Variants in LRCH1 observed in about 807,000 individuals in gnomAD.
The protein encoded by LRCH1 is leucine-rich repeat and calponin homology domain-containing protein 1.
A neutral mutation model predicts 94.9 loss-of-function variants in LRCH1; 23 were observed. That is an observed-to-expected ratio of 0.24 (90% confidence interval 0.17 to 0.34). LRCH1 has a LOEUF of 0.34. Among genes scored for constraint, LRCH1 ranks in the 10% least tolerant of loss-of-function variants. LRCH1 has a pLI of 1.00. For missense variants in LRCH1, 790 were observed against 945.9 expected (o/e 0.84, Z 2.16); for synonymous variants, 364 against 354.9 (o/e 1.03, Z -0.29).
At chr13:46,706,035 A>G (rs1432398053) in intron 13 of LRCH1, among the ~76,000 whole-genome samples, 1 of 152,228 alleles carries the variant, frequency 6.6e-6, no homozygotes, top group Non-Finnish European at 1.5e-5. Context: ...CTTATGCCCC[A>G]CTGAGGTGTT....
intron 1 of LRCH1, among the ~76,000 whole-genome samples, chr13:46,561,864 T>A (rs1337350583): frequency 6.6e-6 from 1 of 152,246 alleles, no homozygotes; most frequent in Non-Finnish European, 1.5e-5. Context: ...CAGCCCTTTC[T>A]TGCAGATGTC....
chr13:46,601,756 G>A (rs1426361320), intron 1 of LRCH1, among the ~76,000 whole-genome samples: 4 of 152,138 alleles, frequency 2.6e-5, no homozygotes, highest in Admixed American at 6.5e-5. Flanking sequence ...TCATGATCAC[G>A]TAGGACCAGG....
In LRCH1 at chr13:46,553,319, C is replaced by A; in HGVS notation, c.-78C>A. ...GGAGCACTGCGGCACTCAGCCCGAGCTGCCGTTTTCCCCTCGCGGGGAACG... is the reference window on the plus strand; with the variant it reads ...GGAGCACTGCGGCACTCAGCCCGAGATGCCGTTTTCCCCTCGCGGGGAACG... On this transcript the variant is annotated 5_prime_UTR_variant, in exon 1 of 20. The change creates a new upstream start codon in the 5' untranslated region. Coordinates refer to ENST00000389797, the MANE Select transcript of LRCH1 (RefSeq NM_001164211.2). The A allele has an allele frequency of 2.4e-6, 3 of 1,246,666 alleles. No individual in the cohort carries two copies. The highest frequency in any genetic ancestry group is 3.3e-6 in the Non-Finnish European group (3 of 906,714). The allele number at this position is 1,246,666 out of a possible 1,614,324, so 77.2% of individuals were successfully genotyped here. A position where few individuals can be genotyped will look rare whatever the true frequency, so the allele number is the denominator to read the frequency against.
chr13:46,624,984 G>A (rs545378617), intron 1 of LRCH1, among the ~76,000 whole-genome samples: 1 of 152,136 alleles, frequency 6.6e-6, no homozygotes. Flanking sequence ...CATCCTCAGG[G>A]TTCTGTTTAC....
At chr13:46,722,681 T>G (rs905888252) in intron 16 of LRCH1, among the ~76,000 whole-genome samples, 1 of 152,238 alleles carries the variant, frequency 6.6e-6, no homozygotes, top group Non-Finnish European at 1.5e-5. Context: ...ACTTTTTAGA[T>G]AGTCTGCCAG....
intron 1 of LRCH1, among the ~76,000 whole-genome samples, chr13:46,573,799 G>A (rs1343466550): frequency 7.2e-6 from 1 of 138,756 alleles, no homozygotes; most frequent in Non-Finnish European, 1.5e-5. Context: ...AATGAATGAA[G>A]GAACAAGATC....
intron 3 of LRCH1, among the ~76,000 whole-genome samples, chr13:46,670,034 G>A (rs2051576884): frequency 6.6e-6 from 1 of 152,216 alleles, no homozygotes; most frequent in African/African-American, 2.4e-5. Flanking sequence ...GGAGCACCAC[G>A]GTGCTGGCCT....
chr13:46,685,572 A>G (rs974021764), intron 4 of LRCH1, among the ~76,000 whole-genome samples: 5 of 152,236 alleles, frequency 3.3e-5, no homozygotes, highest in Non-Finnish European at 7.3e-5. Flanking sequence ...AAGTTAAAAC[A>G]TAAACATGTC....
intron 17 of LRCH1, among the ~76,000 whole-genome samples, chr13:46,724,984 GA>G (rs1347781979): frequency 6.6e-5 from 10 of 152,108 alleles, no homozygotes; most frequent in Admixed American, 5.9e-4. Flanking sequence ...ATTGGATAAA[GA>G]AAATGTGGTA....
Position 46,701,168 on chromosome 13 carries a change from A to T in LRCH1, c.1361A>T (p.Gln454Leu). 6.2e-7 allele frequency: 1 copy of T among 1,613,930 alleles called. No individual in the cohort carries two copies. Among genetic ancestry groups the T allele is most frequent in the Non-Finnish European group, 8.5e-7 (1 of 1,179,778 alleles). ...GACATGGATATAGCAATGATCGAGC[A>T]GCTGAGAGAAGCAGTAGATTTGCTG... ...DQDMDIAMIE[Q>L]LREAVDLLQD... The change falls in exon 11 of 20, where the codon CAG becomes CTG. Residue 454 changes from glutamine to leucine, a missense_variant. Gln to Leu is a moderately radical substitution (Grantham distance 113). Around this residue, in one of 3 missense-constraint regions of LRCH1, gnomAD observed 460 missense variants for 508.9 expected, o/e 0.90. Transcript: ENST00000389797.
At chr13:46,569,166 G>GGC (rs200357497) in intron 1 of LRCH1, among the ~76,000 whole-genome samples, 3,595 of 152,252 alleles carry the variant, frequency 0.024, 52 homozygotes, top group East Asian at 0.057. Context: ...TTATTTTAGT[G>GGC]ATAGAAAAAA....
intron 1 of LRCH1, among the ~76,000 whole-genome samples, chr13:46,564,630 G>A (rs985733272): frequency 2.0e-5 from 3 of 152,184 alleles, no homozygotes; most frequent in Non-Finnish European, 2.9e-5. Flanking sequence ...GGAATAGGCC[G>A]GGGAGCCACC....
intron 1 of LRCH1, among the ~76,000 whole-genome samples, chr13:46,597,854 G>T (rs2050582323): frequency 6.6e-6 from 1 of 152,016 alleles, no homozygotes; most frequent in African/African-American, 2.4e-5. Flanking sequence ...TTATAAGTTG[G>T]TTGATGAAAA....
At position 46,697,267 on chromosome 13, in the gene LRCH1, C is replaced by T. The variant is rs118012260; in HGVS notation, c.1246-2069C>T. The stretch of plus-strand genomic sequence containing the variant: ...GGGTTCCTGCACCCTCTGCTCACAA[C>T]GTTTTTGTCAACCAATCAGCACACA... On this transcript the variant is annotated intron_variant, in intron 9 of 19. Coordinates refer to ENST00000389797, the MANE Select transcript of LRCH1 (RefSeq NM_001164211.2). 5.5e-4 allele frequency among the ~76,000 whole-genome samples: 83 copies of T among 152,252 alleles called. No homozygotes were observed. In the Middle Eastern group the frequency reaches 0.024, roughly 44 times the overall value.
At chr13:46,681,288 T>C (rs944542651) in intron 3 of LRCH1, among the ~76,000 whole-genome samples, 2 of 152,230 alleles carry the variant, frequency 1.3e-5, no homozygotes, top group Non-Finnish European at 2.9e-5. Context: ...GTAGTCTTGT[T>C]TAGAGGCACG....
At chr13:46,653,407 G>A (rs1006912909) in intron 2 of LRCH1, among the ~76,000 whole-genome samples, 6 of 152,080 alleles carry the variant, frequency 3.9e-5, no homozygotes, top group African/African-American at 1.4e-4. Flanking sequence ...CAGAGGTATT[G>A]TATAAAGATA....
intron 8 of LRCH1, 96 bp downstream of exon 8, chr13:46,692,737 C>A: frequency 2.3e-6 from 2 of 879,876 alleles, no homozygotes; most frequent in South Asian, 1.5e-5. Context: ...GATAATCTTT[C>A]TAGAGTATGT....
chr13:46,554,950 C>T (rs1035647966), intron 1 of LRCH1, among the ~76,000 whole-genome samples: 1 of 152,234 alleles, frequency 6.6e-6, no homozygotes, highest in Non-Finnish European at 1.5e-5. Flanking sequence ...AGGGAGCAGG[C>T]AGTGGGTTTT....
chr13:46,614,422 A>G (rs1485710751), intron 1 of LRCH1, among the ~76,000 whole-genome samples: 1 of 152,358 alleles, frequency 6.6e-6, no homozygotes, highest in Non-Finnish European at 1.5e-5. Flanking sequence ...ATACAAAATC[A>G]TGAAGTCACA....
Sources: allele counts gnomAD v4.1 joint callset (sites outside exome capture counted in the v4.1 genomes callset), GRCh38; gene constraint gnomAD v4.1.1; regional missense constraint gnomAD v4.1.1; transcripts MANE v1.5; gene names NCBI Gene and HGNC (gene_info 2026-07-23, HGNC 2026-07-21).